The following DYRK4 variants were observed in gnomAD, a reference collection of about 807,000 sequenced individuals.
DYRK4 encodes the protein dual specificity tyrosine-phosphorylation-regulated kinase 4.
Under a neutral mutation model 68.3 loss-of-function variants are expected in DYRK4, and 64 were observed. The ratio of observed to expected loss-of-function variants is 0.94; its 90% CI spans 0.77 to 1.15. DYRK4 has a LOEUF of 1.15. Ranked by LOEUF, DYRK4 falls within the 50% of genes most tolerant of loss-of-function variation. The probability of loss-of-function intolerance (pLI) is 0.00; values close to 1 mark genes in which losing one functional copy is unlikely to be tolerated. For missense variants in DYRK4, 740 were observed against 764.7 expected (o/e 0.97, Z 0.38); for synonymous variants, 274 against 289.9 (o/e 0.95, Z 0.56).
intron 2 of DYRK4, among the ~76,000 whole-genome samples, chr12:4,569,675 G>A (rs1337995998): frequency 6.6e-6 from 1 of 151,898 alleles, no homozygotes; most frequent in Non-Finnish European, 1.5e-5. Context: ...TGCCCAGGCT[G>A]GTCTCAAACT....
chr12:4,599,270 C>CTTTTGT (rs375183364), intron 9 of DYRK4, 104 bp downstream of exon 9: 107 of 460,864 alleles, frequency 2.3e-4, no homozygotes, highest in South Asian at 3.0e-4. Flanking sequence ...TTGCCTTTGA[C>CTTTTGT]TTTTTTTTTT....
At chr12:4,593,192 C>T (rs1470934360) in intron 6 of DYRK4, 27 bp downstream of exon 6, 1 of 1,610,054 alleles carries the variant, frequency 6.2e-7, no homozygotes, top group African/African-American at 1.3e-5. Context: ...CCATGGGAAC[C>T]TGCAGGGGCC....
Position 4,572,757 on chromosome 12 carries a change from A to G in DYRK4, c.132+4709A>G, listed in dbSNP as rs146192058. The G allele has an allele frequency of 4.4e-3, 677 of 154,076 alleles. 4 individuals are homozygous for G. The highest frequency in any genetic ancestry group is 0.016 in the African/African-American group (646 of 41,550). The allele number at this position is 154,076 out of a possible 1,614,324, so 9.5% of individuals were successfully genotyped here. ...TGATTGCAGGGGTATTAAGGGAGGT[A>G]AGAGAATGTGAGCTCTCCGGCTGGC... On this transcript the variant is annotated intron_variant, in intron 2 of 14. Transcript: ENST00000543431.
chr12:4,566,608 T>C (rs1346011442), intron 1 of DYRK4, among the ~76,000 whole-genome samples: 2 of 152,236 alleles, frequency 1.3e-5, no homozygotes, highest in African/African-American at 4.8e-5. Context: ...ATCTACTTTC[T>C]TCTATGTACC....
At position 4,603,709 on chromosome 12, in the gene DYRK4, T is replaced by C. The variant is rs1032127163; in HGVS notation, c.1127-1205T>C. Among the ~76,000 whole-genome samples the C allele has an allele frequency of 3.9e-5, 6 of 152,382 alleles. No individual in the cohort carries two copies. The East Asian group carries it at 1.2e-3, about 29-fold the overall frequency. On this transcript the variant is annotated intron_variant, in intron 10 of 14. Coordinates refer to ENST00000543431, the MANE Select transcript of DYRK4 (RefSeq NM_001394779.1). The stretch of plus-strand genomic sequence containing the variant: ...AGGACATAAAACCTTTGTGTCTTTA[T>C]GTATGAATCCTATAAGAAATTCCAG...
At chr12:4,592,688 T>TGCCA in intron 5 of DYRK4, 1 of 223,274 alleles carries the variant, frequency 4.5e-6, no homozygotes, top group South Asian at 1.1e-4. Flanking sequence ...CTAAACTATA[T>TGCCA]ACTATTGTCG....
In DYRK4 at chr12:4,590,420, A is replaced by T; in HGVS notation, c.304A>T (p.Lys102Ter). 3 of 1,536,026 alleles carry T rather than the reference A, an allele frequency of 2.0e-6. No individual in the cohort carries two copies. The highest frequency in any genetic ancestry group is 2.6e-6 in the Non-Finnish European group (3 of 1,146,868). ...FPHISKKVLL[K>*]SSLLYQENQA... ...ACACATTAGCAAGAAAGTCCTGCTG[A>T]AGTCATCCCTGCTGTATCAGGTGAG... The change falls in exon 4 of 15, where the codon AAG becomes TAG. Residue 102 changes from lysine (K) to a stop codon, truncating the protein, a stop_gained. Coordinates refer to ENST00000543431, the MANE Select transcript of DYRK4 (RefSeq NM_001394779.1). LOFTEE classifies it high-confidence loss of function.
intron 12 of DYRK4, among the ~76,000 whole-genome samples, chr12:4,608,664 G>C (rs1196231864): frequency 1.3e-5 from 2 of 152,120 alleles, no homozygotes; most frequent in African/African-American, 4.8e-5. Context: ...TGAAGGCCAA[G>C]CAAGCAGAAG....
intron 10 of DYRK4, chr12:4,602,584 A>G: frequency 7.7e-7 from 1 of 1,306,160 alleles, no homozygotes; most frequent in Non-Finnish European, 1.1e-6. Flanking sequence ...TGAGTGAGTG[A>G]CAACATCAAT....
chr12:4,596,501 T>A (rs994210841), intron 7 of DYRK4, 88 bp from the exon 8 acceptor site: 27 of 1,538,648 alleles, frequency 1.8e-5, no homozygotes, highest in African/African-American at 2.8e-5. Context: ...GTTGGGGTCA[T>A]GGGGAGGGGC....
chr12:4,588,909 TG>T (rs879306011), intron 2 of DYRK4, 27 bp from the exon 3 acceptor site: 4 of 1,532,338 alleles, frequency 2.6e-6, no homozygotes, highest in Non-Finnish European at 2.6e-6. Context: ...TGCCAAGCAT[TG>T]TTCCTATTTT....
In DYRK4 at chr12:4,562,278, A is replaced by C; in HGVS notation, c.33A>C (p.Gly11=). Residue 11 remains glycine, a synonymous_variant, in exon 1 of 15, where the codon GGA becomes GGC. Coordinates refer to ENST00000543431, the MANE Select transcript of DYRK4 (RefSeq NM_001394779.1). MQLLPPPIRT[G]TKTQMDAKKP... is the part of the protein sequence containing the mutation. ...TCCTCCCGCCGCCTATCCGCACCGG[A>C]ACAAAGTAAGGGCCGCGGAGGCTCG... The C allele has an allele frequency of 6.5e-7, 1 of 1,532,436 alleles. No individual in the cohort carries two copies. The highest frequency in any genetic ancestry group is 1.4e-5 in the African/African-American group (1 of 72,854). 94.9% of individuals were successfully genotyped at this position (1,532,436 alleles called of 1,614,324 possible).
At chr12:4,603,218 G>T in intron 10 of DYRK4, 1 of 1,069,894 alleles carries the variant, frequency 9.3e-7, no homozygotes, top group Non-Finnish European at 1.4e-6. Flanking sequence ...AGATTTGTCA[G>T]GATCAGAAAG....
At chr12:4,569,005 A>C (rs1944704234) in intron 2 of DYRK4, among the ~76,000 whole-genome samples, 1 of 152,204 alleles carries the variant, frequency 6.6e-6, no homozygotes, top group Non-Finnish European at 1.5e-5. Context: ...TCAGCAGCCT[A>C]ACCCAAGGCC....
At chr12:4,577,032 C>T (rs543061767) in intron 2 of DYRK4, among the ~76,000 whole-genome samples, 16 of 152,152 alleles carry the variant, frequency 1.1e-4, no homozygotes, top group East Asian at 1.9e-4. Context: ...CATTTTTTTC[C>T]GTCATGATCG....
intron 2 of DYRK4, among the ~76,000 whole-genome samples, chr12:4,568,392 T>C (rs1241703095): frequency 6.6e-6 from 1 of 152,118 alleles, no homozygotes; most frequent in Non-Finnish European, 1.5e-5. Flanking sequence ...TTTTCTTTTT[T>C]TTTTTTCTTT....
intron 5 of DYRK4, chr12:4,592,595 C>A: frequency 6.4e-6 from 1 of 155,990 alleles, no homozygotes; most frequent in Non-Finnish European, 1.4e-5. Context: ...ACCTGTCTGG[C>A]CCTGCAGACA....
intron 2 of DYRK4, among the ~76,000 whole-genome samples, chr12:4,583,159 C>T (rs898515380): frequency 2.6e-5 from 4 of 152,060 alleles, no homozygotes; most frequent in Non-Finnish European, 4.4e-5. Flanking sequence ...GCTCCATGAC[C>T]GAGGCTAGAG....
intron 1 of DYRK4, among the ~76,000 whole-genome samples, chr12:4,565,651 A>T (rs1225010080): frequency 6.8e-6 from 1 of 146,414 alleles, no homozygotes; most frequent in Non-Finnish European, 1.5e-5. Context: ...TTTAAGATGG[A>T]GTCTTGCTCT....
Sources: gnomAD v4.1 joint callset for allele counts (sites outside exome capture counted in the v4.1 genomes callset) on GRCh38, gnomAD v4.1.1 for gene constraint, MANE v1.5 for transcripts, NCBI Gene and HGNC (gene_info 2026-07-23, HGNC 2026-07-21) for gene names.